TEX11: variants seen among roughly 807,000 people sequenced by gnomAD.
TEX11 encodes testis expressed 11, also known as testis-expressed protein 11.
Under a neutral mutation model 84.4 loss-of-function variants are expected in TEX11, and 7 were observed. The observed-to-expected ratio is 0.08, with a 90% CI of 0.05 to 0.16. TEX11 has a LOEUF of 0.16. Among genes scored for constraint, TEX11 ranks in the 10% least tolerant of loss-of-function variants. The pLI is 1.00. For missense variants in TEX11, 551 were observed against 660.5 expected (o/e 0.83, Z 1.82); for synonymous variants, 264 against 222.8 (o/e 1.18, Z -1.64).
chrX:70,640,589 G>C (rs2089641860), intron 17 of TEX11, among the ~76,000 whole-genome samples: 1 of 110,409 alleles, frequency 9.1e-6, no homozygotes, highest in Admixed American at 9.7e-5. Context: ...AACCCTACAA[G>C]CCAGAAGAGA....
At chrX:70,691,217 AT>A (rs1189306459) in intron 13 of TEX11, among the ~76,000 whole-genome samples, 2 of 112,051 alleles carry the variant, frequency 1.8e-5, no homozygotes, top group Non-Finnish European at 3.8e-5. Context: ...GCTGGTGGGA[AT>A]GTAAAATGGT....
At chrX:70,660,362 A>T (rs2089912771) in intron 16 of TEX11, among the ~76,000 whole-genome samples, 1 of 112,887 alleles carries the variant, frequency 8.9e-6, no homozygotes, top group Non-Finnish European at 1.9e-5. Flanking sequence ...TATTTAAAAA[A>T]CTTTTTAAGT....
At chrX:70,795,779 G>A (rs1179917803) in intron 9 of TEX11, among the ~76,000 whole-genome samples, 11 of 111,548 alleles carry the variant, frequency 9.9e-5, no homozygotes, top group Non-Finnish European at 7.5e-5. Context: ...CAGTGTTACT[G>A]GGCTTGGGGT....
chrX:70,897,028 A>G (rs758784830), intron 2 of TEX11, among the ~76,000 whole-genome samples: 4 of 106,618 alleles, frequency 3.8e-5, no homozygotes, highest in Admixed American at 1.0e-4. Flanking sequence ...GCTACTCAGG[A>G]GGCTGAGGCA....
At chrX:70,744,436 T>C (rs958013901) in intron 9 of TEX11, among the ~76,000 whole-genome samples, 1 of 108,679 alleles carries the variant, frequency 9.2e-6, no homozygotes, top group Non-Finnish European at 1.9e-5. Context: ...CCTTAGGAGA[T>C]ACCCAATAAA....
chrX:70,630,750 T>C (rs937138084), intron 17 of TEX11, among the ~76,000 whole-genome samples: 14 of 111,851 alleles, frequency 1.3e-4, no homozygotes, highest in African/African-American at 4.5e-4. Flanking sequence ...ACAAAACACA[T>C]CTTTTAAATA....
At chrX:70,763,641 G>A (rs2090922982) in intron 9 of TEX11, among the ~76,000 whole-genome samples, 1 of 110,568 alleles carries the variant, frequency 9.0e-6, no homozygotes, top group Non-Finnish European at 1.9e-5. Flanking sequence ...GTGGGTGGCA[G>A]AAATATCTCA....
downstream of TEX11, among the ~76,000 whole-genome samples, chrX:70,525,107 G>T (rs961440228): frequency 2.7e-5 from 3 of 111,221 alleles, no homozygotes; most frequent in East Asian, 5.7e-4. Flanking sequence ...CTTGAGCCTG[G>T]GAGTTTGAAG....
intron 9 of TEX11, among the ~76,000 whole-genome samples, chrX:70,753,198 G>C (rs1322088625): frequency 3.0e-5 from 3 of 100,925 alleles, no homozygotes; most frequent in Non-Finnish European, 4.1e-5. Context: ...GAATTTGGGT[G>C]GGGGGGGTGG....
chrX:70,907,859 T>C, intron 1 of TEX11, 49 bp from the exon 2 acceptor site: 1 of 795,984 alleles, frequency 1.3e-6, no homozygotes, highest in South Asian at 2.3e-5. Flanking sequence ...CTCTAGTTTC[T>C]CAACAAATTT....
the TEX11 span, among the ~76,000 whole-genome samples, chrX:70,516,699 A>C: frequency 9.1e-6 from 1 of 110,347 alleles, no homozygotes; most frequent in South Asian, 3.9e-4. Flanking sequence ...TGAATCTATA[A>C]ATTACCTTGG....
chrX:70,639,860 G>A (rs1016356017), intron 17 of TEX11, among the ~76,000 whole-genome samples: 11 of 111,667 alleles, frequency 9.9e-5, no homozygotes, highest in African/African-American at 1.6e-4. Context: ...AAATCAGAGC[G>A]CCTCTCCTCC....
intron 16 of TEX11, among the ~76,000 whole-genome samples, chrX:70,666,074 A>C (rs2089973380): frequency 1.8e-5 from 2 of 111,371 alleles, no homozygotes; most frequent in South Asian, 7.6e-4. Flanking sequence ...ACAAGGGCAA[A>C]TAAAGATAAG....
chrX:70,595,769 A>G (rs1234587504), intron 24 of TEX11, among the ~76,000 whole-genome samples: 1 of 111,947 alleles, frequency 8.9e-6, no homozygotes, highest in Non-Finnish European at 1.9e-5. Context: ...AAAGTGGCAT[A>G]AGTAAATTCA....
intron 9 of TEX11, among the ~76,000 whole-genome samples, chrX:70,794,513 G>T (rs1012890072): frequency 2.7e-5 from 3 of 109,798 alleles, no homozygotes; most frequent in African/African-American, 9.9e-5. Flanking sequence ...TGCCTACCCT[G>T]CCCCTCCCCC....
chrX:70,615,211 G>A (rs994002164), intron 20 of TEX11, among the ~76,000 whole-genome samples: 6 of 111,188 alleles, frequency 5.4e-5, no homozygotes, highest in African/African-American at 1.6e-4. Flanking sequence ...AAGACACCAG[G>A]GACCAGTTCT....
chrX:70,735,648 C>T (rs2090690117), intron 11 of TEX11, among the ~76,000 whole-genome samples: 1 of 112,068 alleles, frequency 8.9e-6, no homozygotes, highest in African/African-American at 3.2e-5. Context: ...AGCAATAATT[C>T]CCAAATTGAT....
intron 4 of TEX11, among the ~76,000 whole-genome samples, chrX:70,870,256 A>G (rs768754759): frequency 8.9e-6 from 1 of 111,835 alleles, no homozygotes; most frequent in Non-Finnish European, 1.9e-5. Flanking sequence ...TTTCCCTTTC[A>G]TTTACTATGT....
chrX:70,828,335 T>C (rs1049784114), intron 8 of TEX11, among the ~76,000 whole-genome samples: 2 of 110,643 alleles, frequency 1.8e-5, no homozygotes, highest in East Asian at 2.8e-4. Context: ...TGCAAGAAAT[T>C]TGAAATAACA....
Sources: gnomAD v4.1 joint callset for allele counts (sites outside exome capture counted in the v4.1 genomes callset) on GRCh38, gnomAD v4.1.1 for gene constraint, MANE v1.5 for transcripts, NCBI Gene and HGNC (gene_info 2026-07-23, HGNC 2026-07-21) for gene names.